Variants in KCNIP4 observed in about 807,000 individuals in gnomAD.
KCNIP4 encodes the protein potassium voltage-gated channel interacting protein 4.
In KCNIP4, 12 loss-of-function variants were observed where a neutral mutation model predicts 34.0. The ratio of observed to expected loss-of-function variants is 0.35; its 90% CI spans 0.23 to 0.57. The LOEUF (loss-of-function observed/expected upper bound fraction) is 0.57. KCNIP4 is among the 20% of genes least tolerant of loss of function. The pLI is 0.83. For synonymous variants in KCNIP4, 124 were observed against 102.2 expected, an observed-to-expected ratio of 1.21 and a Z score of -1.29; for missense variants, 238 against 311.7, an observed-to-expected ratio of 0.76 and a Z score of 1.78.
chr4:20,915,439 AT>A (rs1016236256), intron 1 of KCNIP4, among the ~76,000 whole-genome samples: 7 of 152,284 alleles, frequency 4.6e-5, no homozygotes, highest in African/African-American at 1.4e-4. Context: ...CTAAAAGATA[AT>A]TTTTTGGATA....
At chr4:21,745,439 C>T (rs1026375724) in intron 1 of KCNIP4, among the ~76,000 whole-genome samples, 4 of 152,058 alleles carry the variant, frequency 2.6e-5, no homozygotes, top group African/African-American at 9.7e-5. Context: ...AGACAATGAA[C>T]ATTTTCAAAA....
chr4:21,756,216 G>A (rs372190921), intron 1 of KCNIP4, among the ~76,000 whole-genome samples: 11 of 152,078 alleles, frequency 7.2e-5, no homozygotes, highest in South Asian at 2.1e-4. Context: ...TTTAGTCTTC[G>A]TATGTTTGTT....
At chr4:21,725,368 G>A (rs1163829341) in intron 1 of KCNIP4, among the ~76,000 whole-genome samples, 1 of 152,052 alleles carries the variant, frequency 6.6e-6, no homozygotes, top group Admixed American at 6.6e-5. Flanking sequence ...GATGTACTTC[G>A]AAGTCATCCA....
intron 1 of KCNIP4, among the ~76,000 whole-genome samples, chr4:21,109,327 C>G (rs529133742): frequency 8.2e-4 from 125 of 152,250 alleles, no homozygotes; most frequent in African/African-American, 2.8e-3. Flanking sequence ...CCCCCAGCCT[C>G]GCTGCTGCCT....
intron 1 of KCNIP4, among the ~76,000 whole-genome samples, chr4:21,685,652 G>A (rs1388486903): frequency 1.3e-5 from 2 of 152,124 alleles, no homozygotes; most frequent in Admixed American, 1.3e-4. Context: ...ATAAAGAAAG[G>A]AGACCAAATG....
rs183045853 is a variant in KCNIP4, at chr4:21,299,467, C to G, written c.62-416758G>C. Among the ~76,000 whole-genome samples the G allele has an allele frequency of 4.0e-3, 613 of 152,122 alleles. 6 individuals are homozygous for G. The highest frequency in any genetic ancestry group is 0.014 in the African/African-American group (589 of 41,514). On this transcript the variant is annotated intron_variant, in intron 1 of 8. Transcript: ENST00000382152. ...ACCCTAAAGGCGGTATATGTATTCCCTTTATTTCATTACTAGATGGTGTAA... is the reference window on the plus strand; with the variant it reads ...ACCCTAAAGGCGGTATATGTATTCCGTTTATTTCATTACTAGATGGTGTAA...
chr4:21,904,893 T>A (rs1298098532), intron 1 of KCNIP4, among the ~76,000 whole-genome samples: 2 of 152,110 alleles, frequency 1.3e-5, no homozygotes, highest in Non-Finnish European at 2.9e-5. Flanking sequence ...TAAGCCTTCA[T>A]TGAGAACTAC....
At chr4:21,568,490 G>T (rs1423698316) in intron 1 of KCNIP4, among the ~76,000 whole-genome samples, 2 of 152,038 alleles carry the variant, frequency 1.3e-5, no homozygotes, top group Admixed American at 1.3e-4. Context: ...TGAGTCAGTG[G>T]GCTGGGAGAT....
intron 1 of KCNIP4, among the ~76,000 whole-genome samples, chr4:21,934,267 C>A (rs1340199483): frequency 1.3e-5 from 2 of 152,044 alleles, no homozygotes; most frequent in Non-Finnish European, 2.9e-5. Flanking sequence ...GCCCCAGACT[C>A]TTATCAGGCA....
At chr4:21,063,915 A>G (rs895404310) in intron 1 of KCNIP4, among the ~76,000 whole-genome samples, 1 of 152,142 alleles carries the variant, frequency 6.6e-6, no homozygotes, top group South Asian at 2.1e-4. Context: ...CAAACTGAAT[A>G]CTTGCATCCG....
intron 1 of KCNIP4, among the ~76,000 whole-genome samples, chr4:21,400,557 TCTC>T (rs1723454916): frequency 1.0e-5 from 1 of 99,086 alleles, no homozygotes; most frequent in Non-Finnish European, 2.4e-5. Context: ...TCTCTTCTCT[TCTC>T]TTCTCTTCTC....
intron 1 of KCNIP4, among the ~76,000 whole-genome samples, chr4:20,892,692 G>C (rs1333932328): frequency 2.0e-5 from 3 of 152,144 alleles, no homozygotes; most frequent in African/African-American, 7.2e-5. Context: ...AATAATTATT[G>C]CATGTTATCT....
chr4:20,898,961 T>G, intron 1 of KCNIP4, among the ~76,000 whole-genome samples: 1 of 152,192 alleles, frequency 6.6e-6, no homozygotes, highest in East Asian at 1.9e-4. Flanking sequence ...CTCAGAGATT[T>G]TAGGTAACTT....
intron 3 of KCNIP4, among the ~76,000 whole-genome samples, chr4:20,768,144 C>T (rs754074001): frequency 3.9e-5 from 6 of 152,178 alleles, no homozygotes; most frequent in Non-Finnish European, 7.4e-5. Flanking sequence ...TTAGTAAATA[C>T]AAGGCAGGGA....
chr4:20,849,969 C>A (rs79065938), intron 3 of KCNIP4, among the ~76,000 whole-genome samples: 2 of 152,300 alleles, frequency 1.3e-5, no homozygotes, highest in East Asian at 3.9e-4. Flanking sequence ...TCTCTCACCC[C>A]ACCCTCTGGG....
intron 1 of KCNIP4, among the ~76,000 whole-genome samples, chr4:21,868,810 C>G (rs1725583570): frequency 6.6e-6 from 1 of 152,188 alleles, no homozygotes; most frequent in African/African-American, 2.4e-5. Context: ...GGCTTCATAT[C>G]ACGCCTCCAG....
intron 1 of KCNIP4, among the ~76,000 whole-genome samples, chr4:21,342,980 T>G (rs1268654796): frequency 6.6e-6 from 1 of 152,150 alleles, no homozygotes; most frequent in African/African-American, 2.4e-5. Flanking sequence ...CATTTTTTTT[T>G]CTGAGCCTTG....
chr4:20,794,678 A>G (rs1713219237), intron 3 of KCNIP4, among the ~76,000 whole-genome samples: 1 of 152,194 alleles, frequency 6.6e-6, no homozygotes, highest in Non-Finnish European at 1.5e-5. Context: ...TCTGGATTCT[A>G]GTGAAGTTCT....
chr4:21,201,269 T>C (rs2108954759), intron 1 of KCNIP4, among the ~76,000 whole-genome samples: 1 of 152,308 alleles, frequency 6.6e-6, no homozygotes, highest in Admixed American at 6.5e-5. Flanking sequence ...AACTCAAATC[T>C]ATTTATTGCT....
Sources: gnomAD v4.1 joint callset for allele counts (sites outside exome capture counted in the v4.1 genomes callset) on GRCh38, gnomAD v4.1.1 for gene constraint, MANE v1.5 for transcripts, NCBI Gene and HGNC (gene_info 2026-07-23, HGNC 2026-07-21) for gene names.